Variants in NKAIN3 observed in about 807,000 individuals in gnomAD.
NKAIN3 encodes sodium/potassium transporting ATPase interacting 3.
Under a neutral mutation model 30.2 loss-of-function variants are expected in NKAIN3, and 25 were observed. That is an observed-to-expected ratio of 0.83 (90% CI 0.60 to 1.16). The LOEUF (loss-of-function observed/expected upper bound fraction) is 1.16, where lower values mean the gene tolerates loss of function less well. Among genes scored for constraint, NKAIN3 ranks in the 50% most tolerant of loss-of-function variants. NKAIN3 has a pLI of 0.00. For missense variants in NKAIN3, 225 were observed against 254.1 expected (o/e 0.89, Z 0.78); for synonymous variants, 91 against 89.6 (o/e 1.02, Z -0.09).
rs139614809 is a variant in NKAIN3, at chr8:62,582,079, C to T, written c.192+2403C>T. On this transcript the variant is annotated intron_variant, in intron 2 of 6. Transcript: ENST00000623646. ...TTCCTCCCTCCTTTCCTCCCTCCCT[C>T]TCTCCCTCCCTCCTTCTGTCTTTCC... Among the ~76,000 whole-genome samples the T allele has an allele frequency of 4.2e-4, 62 of 147,038 alleles. 1 individual carries two copies. The Middle Eastern group carries it at 0.011, about 25-fold the overall frequency.
chr8:62,930,777 C>T (rs1462180748), intron 5 of NKAIN3, among the ~76,000 whole-genome samples: 3 of 151,574 alleles, frequency 2.0e-5, no homozygotes, highest in Admixed American at 1.3e-4. Context: ...GATCTCGGCT[C>T]ACTGCATGCT....
intron 1 of NKAIN3, among the ~76,000 whole-genome samples, chr8:62,285,639 G>T (rs1224989188): frequency 6.6e-6 from 1 of 152,054 alleles, no homozygotes. Context: ...AGCTGGTATT[G>T]GTCCCCCTGC....
At chr8:62,611,305 G>C (rs1242046126) in intron 3 of NKAIN3, among the ~76,000 whole-genome samples, 1 of 151,842 alleles carries the variant, frequency 6.6e-6, no homozygotes, top group African/African-American at 2.4e-5. Context: ...TTTATGCTTT[G>C]AGTTAAAAAA....
intron 3 of NKAIN3, among the ~76,000 whole-genome samples, chr8:62,726,397 T>C (rs1004176056): frequency 2.3e-4 from 35 of 152,066 alleles, no homozygotes; most frequent in African/African-American, 8.0e-4. Flanking sequence ...GGCTTTCCAT[T>C]TATCTTCATT....
intron 1 of NKAIN3, among the ~76,000 whole-genome samples, chr8:62,415,749 A>AATTATTATTATTATTATT (rs35191559): frequency 2.7e-4 from 40 of 148,688 alleles, no homozygotes; most frequent in African/African-American, 9.8e-4. Context: ...TTTTATTAAG[A>AATTATTATTATTATTATT]ATTATTATTA....
chr8:62,567,363 G>A (rs137990262), intron 1 of NKAIN3, among the ~76,000 whole-genome samples: 108 of 152,246 alleles, frequency 7.1e-4, no homozygotes, highest in Non-Finnish European at 1.1e-3. Flanking sequence ...AGGGAACTCC[G>A]AATTGACAGA....
chr8:62,883,047 G>A (rs551366907), intron 4 of NKAIN3, among the ~76,000 whole-genome samples: 11 of 152,270 alleles, frequency 7.2e-5, no homozygotes, highest in African/African-American at 1.2e-4. Context: ...ATTCTAGGAC[G>A]TATTGCTCTC....
At chr8:62,555,312 A>T (rs1809353255) in intron 1 of NKAIN3, among the ~76,000 whole-genome samples, 1 of 152,194 alleles carries the variant, frequency 6.6e-6, no homozygotes, top group Non-Finnish European at 1.5e-5. Flanking sequence ...GACATAGAAT[A>T]TTAAATAAGT....
At chr8:62,410,812 G>A (rs1045969346) in intron 1 of NKAIN3, among the ~76,000 whole-genome samples, 8 of 151,886 alleles carry the variant, frequency 5.3e-5, no homozygotes, top group Non-Finnish European at 8.8e-5. Flanking sequence ...ACTGAAGAAG[G>A]AAGAGATTAA....
intron 3 of NKAIN3, among the ~76,000 whole-genome samples, chr8:62,625,527 G>C (rs1245594879): frequency 1.3e-5 from 2 of 152,076 alleles, no homozygotes; most frequent in African/African-American, 4.8e-5. Context: ...TACTTACCAA[G>C]TTTGTGACCC....
intron 3 of NKAIN3, among the ~76,000 whole-genome samples, chr8:62,741,036 A>T (rs1232478335): frequency 2.0e-5 from 3 of 151,766 alleles, no homozygotes; most frequent in Non-Finnish European, 4.4e-5. Context: ...GAAAAAAAAA[A>T]AAAACACCAA....
At chr8:62,316,379 A>G (rs559899375) in intron 1 of NKAIN3, among the ~76,000 whole-genome samples, 1 of 152,150 alleles carries the variant, frequency 6.6e-6, no homozygotes, top group African/African-American at 2.4e-5. Flanking sequence ...TGCTGCACCC[A>G]TTAACTCTTC....
chr8:62,959,761 G>T (rs969214231), intron 6 of NKAIN3, among the ~76,000 whole-genome samples: 1 of 152,134 alleles, frequency 6.6e-6, no homozygotes, highest in East Asian at 1.9e-4. Flanking sequence ...CCACTACTAA[G>T]GGTGGAGCCC....
intron 1 of NKAIN3, among the ~76,000 whole-genome samples, chr8:62,565,215 T>C (rs1007391553): frequency 6.6e-6 from 1 of 152,152 alleles, no homozygotes; most frequent in African/African-American, 2.4e-5. Flanking sequence ...ACATGTACTT[T>C]TATTATCCTA....
intron 4 of NKAIN3, among the ~76,000 whole-genome samples, chr8:62,820,625 G>A (rs1400802304): frequency 1.3e-5 from 2 of 152,090 alleles, no homozygotes; most frequent in African/African-American, 2.4e-5. Context: ...TGAGAAGACC[G>A]AAGGCAAAAC....
At chr8:62,728,202 C>T (rs62509547) in intron 3 of NKAIN3, among the ~76,000 whole-genome samples, 27,515 of 151,892 alleles carry the variant, frequency 0.18, 2,695 homozygotes, top group East Asian at 0.39. Context: ...AAACTATATA[C>T]TCCTAGATCA....
intron 1 of NKAIN3, among the ~76,000 whole-genome samples, chr8:62,316,068 T>C (rs879687094): frequency 6.6e-5 from 10 of 152,108 alleles, no homozygotes; most frequent in Non-Finnish European, 1.2e-4. Flanking sequence ...CCCCTTTTTC[T>C]GCACTTCTCC....
intron 1 of NKAIN3, among the ~76,000 whole-genome samples, chr8:62,366,985 A>T (rs1816758113): frequency 6.6e-6 from 1 of 151,856 alleles, no homozygotes; most frequent in South Asian, 2.1e-4. Flanking sequence ...TCATTTCCAC[A>T]TATTTGTTAA....
chr8:62,278,185 A>G (rs1473219791), intron 1 of NKAIN3, among the ~76,000 whole-genome samples: 11 of 152,138 alleles, frequency 7.2e-5, no homozygotes, highest in Admixed American at 7.2e-4. Context: ...GGAGAGCTGA[A>G]GAGACTCAGG....
Sources: gnomAD v4.1 joint callset for allele counts (sites outside exome capture counted in the v4.1 genomes callset) on GRCh38, gnomAD v4.1.1 for gene constraint, MANE v1.5 for transcripts, NCBI Gene and HGNC (gene_info 2026-07-23, HGNC 2026-07-21) for gene names.